Variants in WWOX observed in about 807,000 individuals in gnomAD.
WWOX encodes the protein WW domain-containing oxidoreductase.
Under a neutral mutation model 46.2 loss-of-function variants are expected in WWOX, and 69 were observed. The ratio of observed to expected loss-of-function variants is 1.49; its 90% CI spans 1.23 to 1.82. WWOX has a LOEUF of 1.82. Ranked by LOEUF, WWOX falls within the 40% of genes most tolerant of loss-of-function variation. The pLI is 0.00. For missense variants in WWOX, 919 were observed against 542.6 expected (o/e 1.69, Z -6.89); for synonymous variants, 359 against 202.6 (o/e 1.77, Z -6.56).
intron 8 of WWOX, among the ~76,000 whole-genome samples, chr16:79,108,091 C>G (rs1567555248): frequency 6.6e-6 from 1 of 152,166 alleles, no homozygotes; most frequent in African/African-American, 2.4e-5. Context: ...TCAGGATTTT[C>G]TACAATGAAC....
At chr16:78,561,092 T>G (rs2044424287) in intron 8 of WWOX, among the ~76,000 whole-genome samples, 1 of 152,158 alleles carries the variant, frequency 6.6e-6, no homozygotes, top group Non-Finnish European at 1.5e-5. Flanking sequence ...GCTGGCAGGA[T>G]TCAGATCCTT....
intron 8 of WWOX, among the ~76,000 whole-genome samples, chr16:78,588,307 T>C (rs994520660): frequency 2.0e-5 from 3 of 152,170 alleles, no homozygotes; most frequent in Non-Finnish European, 4.4e-5. Flanking sequence ...GTGCGGATAA[T>C]GGATAATCTG....
chr16:78,815,401 G>C (rs1597659374), intron 8 of WWOX, among the ~76,000 whole-genome samples: 1 of 151,984 alleles, frequency 6.6e-6, no homozygotes, highest in East Asian at 1.9e-4. Context: ...TTACTAACTG[G>C]AGTACATTGC....
intron 8 of WWOX, among the ~76,000 whole-genome samples, chr16:78,875,971 T>G (rs111361940): frequency 2.0e-5 from 3 of 152,314 alleles, no homozygotes; most frequent in African/African-American, 7.2e-5. Flanking sequence ...CCTACAGATT[T>G]GTTTTGTTTT....
At chr16:79,209,362 T>C (rs7202473) in intron 8 of WWOX, among the ~76,000 whole-genome samples, 1 of 152,198 alleles carries the variant, frequency 6.6e-6, no homozygotes, top group African/African-American at 2.4e-5. Context: ...CAGTAGGTCA[T>C]AGTGGCAAAA....
intron 8 of WWOX, among the ~76,000 whole-genome samples, chr16:78,804,511 G>A (rs886197867): frequency 3.9e-5 from 6 of 152,266 alleles, no homozygotes; most frequent in Non-Finnish European, 7.4e-5. Flanking sequence ...CATGCGAAGC[G>A]CATATGTTCT....
intron 8 of WWOX, among the ~76,000 whole-genome samples, chr16:79,166,743 T>C (rs2050602223): frequency 6.6e-6 from 1 of 152,226 alleles, no homozygotes; most frequent in Non-Finnish European, 1.5e-5. Context: ...CTCAGATTAT[T>C]CATTACAATG....
At chr16:78,295,933 G>A (rs1318153827) in intron 5 of WWOX, among the ~76,000 whole-genome samples, 1 of 152,196 alleles carries the variant, frequency 6.6e-6, no homozygotes, top group Non-Finnish European at 1.5e-5. Flanking sequence ...ATTAGATGAA[G>A]GGCTTTGCTA....
intron 8 of WWOX, among the ~76,000 whole-genome samples, chr16:79,037,328 G>C (rs1567505700): frequency 6.6e-6 from 1 of 152,184 alleles, no homozygotes; most frequent in Non-Finnish European, 1.5e-5. Flanking sequence ...GAATGGTTTT[G>C]ATTCTCAAGT....
intron 1 of WWOX, among the ~76,000 whole-genome samples, chr16:78,103,411 C>T (rs1399506794): frequency 6.6e-6 from 1 of 152,044 alleles, no homozygotes; most frequent in Non-Finnish European, 1.5e-5. Flanking sequence ...TTATTGTATA[C>T]ACCAGCTGAG....
chr16:78,738,853 T>C (rs969796023), intron 8 of WWOX, among the ~76,000 whole-genome samples: 1 of 152,158 alleles, frequency 6.6e-6, no homozygotes, highest in East Asian at 1.9e-4. Flanking sequence ...TAGATAGAGA[T>C]TGTCCCTTAA....
intron 8 of WWOX, among the ~76,000 whole-genome samples, chr16:79,030,408 T>C (rs1248652858): frequency 6.6e-6 from 1 of 152,240 alleles, no homozygotes; most frequent in Non-Finnish European, 1.5e-5. Context: ...ATACTTTTCA[T>C]GGCCCTTTTT....
At chr16:78,472,835 AATT>A (rs1465426217) in intron 8 of WWOX, among the ~76,000 whole-genome samples, 1 of 140,264 alleles carries the variant, frequency 7.1e-6, no homozygotes, top group East Asian at 2.1e-4. Flanking sequence ...AAAAAAAAAA[AATT>A]ATGTCATTTC....
intron 8 of WWOX, among the ~76,000 whole-genome samples, chr16:78,876,010 C>G (rs1304708805): frequency 1.3e-5 from 2 of 152,094 alleles, no homozygotes; most frequent in Non-Finnish European, 2.9e-5. Context: ...GTCTCCCACC[C>G]TCTCTTATTT....
chr16:78,557,452 C>T (rs964685423), intron 8 of WWOX, among the ~76,000 whole-genome samples: 2 of 152,108 alleles, frequency 1.3e-5, no homozygotes, highest in African/African-American at 4.8e-5. Context: ...GTTGGGGATA[C>T]ATCCAAAAAC....
chr16:78,319,109 C>T (rs1247846094), intron 5 of WWOX, among the ~76,000 whole-genome samples: 1 of 151,994 alleles, frequency 6.6e-6, no homozygotes, highest in Non-Finnish European at 1.5e-5. Context: ...TCGGATGAGT[C>T]AGGCAGTGAG....
chr16:78,656,019 G>A (rs1296270745), intron 8 of WWOX, among the ~76,000 whole-genome samples: 1 of 152,114 alleles, frequency 6.6e-6, no homozygotes, highest in Non-Finnish European at 1.5e-5. Context: ...TGAGGTCTAG[G>A]GTGAATACCA....
At chr16:78,242,791 T>A (rs1049613744) in intron 5 of WWOX, among the ~76,000 whole-genome samples, 1 of 152,076 alleles carries the variant, frequency 6.6e-6, no homozygotes, top group Non-Finnish European at 1.5e-5. Flanking sequence ...GCAGATCACT[T>A]GAGGTCAGGA....
chr16:79,098,072 A>C (rs1328524668), intron 8 of WWOX, among the ~76,000 whole-genome samples: 1 of 152,138 alleles, frequency 6.6e-6, no homozygotes, highest in South Asian at 2.1e-4. Flanking sequence ...TTTGATTCCT[A>C]GGTACATCAA....
Sources: gnomAD v4.1 joint callset for allele counts (sites outside exome capture counted in the v4.1 genomes callset) on GRCh38, gnomAD v4.1.1 for gene constraint, MANE v1.5 for transcripts, NCBI Gene and HGNC (gene_info 2026-07-23, HGNC 2026-07-21) for gene names.